The following CFAP46 variants were observed in gnomAD, a reference collection of about 807,000 sequenced individuals.
CFAP46 encodes the protein cilia- and flagella-associated protein 46.
CFAP46 carries 245 observed loss-of-function variants against 325.7 expected under a neutral mutation model. That is an observed-to-expected ratio of 0.75 (90% confidence interval 0.68 to 0.84). The LOEUF is 0.84. Among genes scored for constraint, CFAP46 ranks in the 40% least tolerant of loss-of-function variants. The probability of loss-of-function intolerance (pLI) is 0.00; values close to 1 mark genes in which losing one functional copy is unlikely to be tolerated. For missense variants in CFAP46, 3,346 were observed against 3,543.0 expected (o/e 0.94, Z 1.41); for synonymous variants, 1,523 against 1,495.9 (o/e 1.02, Z -0.42).
rs369605125 is a variant in CFAP46, at chr10:132,808,516, G to A, written c.8053C>T (p.Arg2685Trp). 99 of 1,613,166 alleles carry A rather than the reference G, an allele frequency of 6.1e-5. No individual in the cohort carries two copies. The highest frequency in any genetic ancestry group is 3.5e-4 in the South Asian group (32 of 91,076). ...LRRGWSCVSSRGQDKGGLPLA... is the reference protein window; with the variant it reads ...LRRGWSCVSSWGQDKGGLPLA... ...GGGAGGCCGCCCTTGTCCTGGCCCCGGGAAGAGACGCAGCTCCAGCCCCGA... is the reference window on the plus strand; with the variant it reads ...GGGAGGCCGCCCTTGTCCTGGCCCCAGGAAGAGACGCAGCTCCAGCCCCGA... The change falls in exon 58 of 58, where the codon CGG (arginine) becomes TGG (tryptophan). Residue 2685 changes from arginine (R) to tryptophan (W), a missense_variant. By Grantham distance (101) the Arg-to-Trp change is moderately radical (BLOSUM62 -3). Coordinates refer to ENST00000368586, the MANE Select transcript of CFAP46 (RefSeq NM_001200049.3). This position sits in a 1 kb window ranked among gnomAD's most constrained non-coding sequence, Gnocchi z 6.8.
intron 44 of CFAP46, among the ~76,000 whole-genome samples, chr10:132,842,094 C>T (rs1044416844): frequency 7.2e-5 from 11 of 152,228 alleles, no homozygotes; most frequent in African/African-American, 2.7e-4. Context: ...CTTCCGCTCA[C>T]TTTTCTTTTG....
In CFAP46 at chr10:132,847,310, C is replaced by G. The variant is rs565142430; in HGVS notation, c.5964G>C (p.Lys1988Asn). ...YWEAGPSVGA[K>N]LSGLKSLELE... ...GCTCCAGAGACTTGAGGCCGCTCAGCTTGGCGCCCACCTGTGACACACATT... is the reference window on the plus strand; with the variant it reads ...GCTCCAGAGACTTGAGGCCGCTCAGGTTGGCGCCCACCTGTGACACACATT... Residue 1988 changes from lysine to asparagine, a missense_variant, in exon 42 of 58, where the codon AAG becomes AAC. By Grantham distance (94) the Lys-to-Asn change is moderately conservative (BLOSUM62 0). Coordinates refer to ENST00000368586, the MANE Select transcript of CFAP46 (RefSeq NM_001200049.3). This position sits in a 1 kb window ranked among gnomAD's most constrained non-coding sequence, Gnocchi z 5.2. 1 of 1,613,530 alleles carries G rather than the reference C, an allele frequency of 6.2e-7. No homozygotes were observed. Among genetic ancestry groups the G allele is most frequent in the Admixed American group, 1.7e-5 (1 of 60,022 alleles).
At position 132,884,175 on chromosome 10, in the gene CFAP46, G is replaced by C. The variant is rs1223927910; in HGVS notation, c.3627+928C>G. Among the ~76,000 whole-genome samples, 1 of 152,158 alleles carries C rather than the reference G, an allele frequency of 6.6e-6. No homozygotes were observed. Among genetic ancestry groups the C allele is most frequent in the Non-Finnish European group, 1.5e-5 (1 of 68,014 alleles). On this transcript the variant is annotated intron_variant, in intron 27 of 57. Coordinates refer to ENST00000368586, the MANE Select transcript of CFAP46 (RefSeq NM_001200049.3). The surrounding 1 kb of genome is among the most constrained non-coding windows in gnomAD (Gnocchi z 5.4). ...CCTGGAGGCAGCCAGGTCCCTGCCT[G>C]ATACCCGCGAACCCTAGCAGGGCAA...
chr10:132,937,188 T>TTTTGACATATGGGGA, intron 6 of CFAP46, 133 bp from the exon 7 acceptor site: 1 of 528,686 alleles, frequency 1.9e-6, no homozygotes, highest in Non-Finnish European at 3.2e-6. Flanking sequence ...TGATTCCCCA[T>TTTTGACATATGGGGA]ATGTCAAAAT....
At chr10:132,927,290 G>C (rs1207725761) in intron 9 of CFAP46, among the ~76,000 whole-genome samples, 1 of 152,242 alleles carries the variant, frequency 6.6e-6, no homozygotes, top group East Asian at 1.9e-4. Context: ...ACAACTATCA[G>C]ACACAGACGT....
intron 22 of CFAP46, among the ~76,000 whole-genome samples, chr10:132,905,069 C>T (rs189407133): frequency 2.7e-4 from 41 of 152,350 alleles, no homozygotes; most frequent in African/African-American, 9.4e-4. Context: ...TCCCTTAGCT[C>T]GTCCTTCCTG....
chr10:132,823,928 C>G (rs796158782), intron 50 of CFAP46, among the ~76,000 whole-genome samples: 4,222 of 126,098 alleles, frequency 0.033, 49 homozygotes, highest in Middle Eastern at 0.061. Context: ...TGTGTGTGTG[C>G]TGATGTGTGC....
chr10:132,829,274 C>T (rs941297060), intron 50 of CFAP46, among the ~76,000 whole-genome samples: 25 of 152,170 alleles, frequency 1.6e-4, no homozygotes, highest in Non-Finnish European at 3.4e-4. Context: ...TAAAGTCTTG[C>T]ACCTTTTGTC....
intron 28 of CFAP46, 148 bp from the exon 29 acceptor site, chr10:132,879,779 G>A (rs1220499888): frequency 6.2e-6 from 5 of 807,294 alleles, no homozygotes; most frequent in Non-Finnish European, 7.3e-6. Flanking sequence ...CCGGCAGCCA[G>A]GGGAAGAGTC....
chr10:132,855,343 C>T lies in CFAP46; in HGVS notation c.5574+2247G>A, dbSNP rs117417713. 6.3e-3 allele frequency among the ~76,000 whole-genome samples: 967 copies of T among 152,294 alleles called. 10 individuals are homozygous for T. Among genetic ancestry groups the T allele is most frequent in the Non-Finnish European group, 9.5e-3 (649 of 68,032 alleles). On this transcript the variant is annotated intron_variant, in intron 39 of 57. Transcript: ENST00000368586. ...TGTGTGTGTTGTTAATATAGCCACT[C>T]CAGCTTTCTTTTCATTAGTGTTAGC...
In CFAP46 at chr10:132,909,281, C is replaced by A; in HGVS notation, c.2650-37G>T. ...GATGCCCTGAGTGTATCAGCCCAAG[C>A]GTGCGGGGGGAGTCTGGAATATGCG... On this transcript the variant is annotated intron_variant, in intron 20 of 57. Transcript: ENST00000368586. 5.6e-6 allele frequency: 8 copies of A among 1,433,768 alleles called. 1 individual carries two copies. Among genetic ancestry groups the A allele is most frequent in the African/African-American group, 4.2e-5 (3 of 70,812 alleles). The allele number at this position is 1,433,768 out of a possible 1,614,324, so 88.8% of individuals were successfully genotyped here.
rs930202191 is a variant in CFAP46, at chr10:132,939,712, G to A, written c.372-959C>T. ...GACGGTCACGCCTGCTTGAGTCAGA[G>A]GGGTCATCATGGGACTCCAGCGGCC... On this transcript the variant is annotated intron_variant, in intron 4 of 57. Coordinates refer to ENST00000368586, the MANE Select transcript of CFAP46 (RefSeq NM_001200049.3). This position sits in a 1 kb window ranked among gnomAD's most constrained non-coding sequence, Gnocchi z 4.6. 6.6e-6 allele frequency among the ~76,000 whole-genome samples: 1 copy of A among 152,156 alleles called. No individual in the cohort carries two copies. Among genetic ancestry groups the A allele is most frequent in the Non-Finnish European group, 1.5e-5 (1 of 68,024 alleles).
Position 132,942,057 on chromosome 10 carries a change from G to C in CFAP46, c.97C>G (p.Leu33Val). The change falls in exon 2 of 58, where the codon CTA (leucine) becomes GTA (valine). Residue 33 changes from leucine to valine, a missense_variant. Leu to Val is a conservative substitution (Grantham distance 32, BLOSUM62 1). Coordinates refer to ENST00000368586, the MANE Select transcript of CFAP46 (RefSeq NM_001200049.3). ...GAGGGGTCAAACTCCGATTTCCCTA[G>C]GTTGGCCGATTTGATCAACTCGTAG... ...KAYELIKSAN[L>V]GKSEFDPSES... is the part of the protein sequence containing the mutation. 1.3e-6 allele frequency: 2 copies of C among 1,551,818 alleles called. No individual in the cohort carries two copies. Among genetic ancestry groups the C allele is most frequent in the Non-Finnish European group, 1.7e-6 (2 of 1,147,032 alleles).
chr10:132,825,549 A>G (rs1848031552), intron 50 of CFAP46, among the ~76,000 whole-genome samples: 1 of 152,230 alleles, frequency 6.6e-6, no homozygotes, highest in Non-Finnish European at 1.5e-5. Flanking sequence ...AGCTTCTTAC[A>G]TGCCGGTCAC....
chr10:132,870,472 G>C (rs1848882097), intron 32 of CFAP46, among the ~76,000 whole-genome samples: 1 of 152,218 alleles, frequency 6.6e-6, no homozygotes. Flanking sequence ...CAAGCTGTAA[G>C]TGTGAAGGGA....
At chr10:132,825,802 C>G (rs1848035139) in intron 50 of CFAP46, among the ~76,000 whole-genome samples, 1 of 152,168 alleles carries the variant, frequency 6.6e-6, no homozygotes. Context: ...CACAGAAGAA[C>G]CGGTGAGAGA....
In CFAP46 at chr10:132,884,874, C is replaced by T. The variant is rs181343505; in HGVS notation, c.3627+229G>A. Among the ~76,000 whole-genome samples, 110 of 152,298 alleles carry T rather than the reference C, an allele frequency of 7.2e-4. 1 individual carries two copies. In the East Asian group the frequency reaches 0.016, roughly 22 times the overall value. On this transcript the variant is annotated intron_variant, in intron 27 of 57. Coordinates refer to ENST00000368586, the MANE Select transcript of CFAP46 (RefSeq NM_001200049.3). The surrounding 1 kb of genome is among the most constrained non-coding windows in gnomAD (Gnocchi z 5.4). ...CTGCTCAGGGACGAGGACCTGACCA[C>T]GACCCCTCCATGCTGGAAAGGGACC...
At chr10:132,813,284 C>G (rs975580471) in intron 54 of CFAP46, among the ~76,000 whole-genome samples, 14 of 152,060 alleles carry the variant, frequency 9.2e-5, no homozygotes, top group Non-Finnish European at 1.9e-4. Flanking sequence ...TACAGGATCC[C>G]AGCCCTGCCC....
At chr10:132,909,045 C>T (rs1259288298) in intron 21 of CFAP46, 92 bp downstream of exon 21, 12 of 900,450 alleles carry the variant, frequency 1.3e-5, no homozygotes, top group Admixed American at 4.3e-5. Flanking sequence ...TGAGCATGCA[C>T]GATGGGGCTC....
Sources: allele counts gnomAD v4.1 joint callset (sites outside exome capture counted in the v4.1 genomes callset), GRCh38; gene constraint gnomAD v4.1.1; non-coding constraint Gnocchi (gnomAD v3.1); transcripts MANE v1.5; gene names NCBI Gene and HGNC (gene_info 2026-07-23, HGNC 2026-07-21).